RAD18: variants seen among roughly 807,000 people sequenced by gnomAD.
The protein encoded by RAD18 is RAD18 E3 ubiquitin protein ligase, also known as E3 ubiquitin-protein ligase RAD18.
A neutral mutation model predicts 60.4 loss-of-function variants in RAD18; 47 were observed. The ratio of observed to expected loss-of-function variants is 0.78; its 90% CI spans 0.62 to 0.99. The LOEUF (loss-of-function observed/expected upper bound fraction) is 0.99. Ranked by LOEUF, RAD18 falls within the 50% of genes least tolerant of loss-of-function variation. The probability of loss-of-function intolerance (pLI) is 0.00; values close to 1 mark genes in which losing one functional copy is unlikely to be tolerated. For missense variants in RAD18, 640 were observed against 593.3 expected, an observed-to-expected ratio of 1.08 and a Z score of -0.82; for synonymous variants, 225 against 195.5, an observed-to-expected ratio of 1.15 and a Z score of -1.26.
At chr3:8,897,205 T>A (rs1165697821) in intron 11 of RAD18, among the ~76,000 whole-genome samples, 3 of 152,166 alleles carry the variant, frequency 2.0e-5, no homozygotes, top group Non-Finnish European at 2.9e-5. Flanking sequence ...AAAATAAGGA[T>A]GCTTCATTCT....
intron 2 of RAD18, 36 bp downstream of exon 2, chr3:8,958,884 G>T (rs750443702): frequency 8.5e-6 from 13 of 1,527,302 alleles, no homozygotes; most frequent in Admixed American, 3.4e-5. Context: ...TGTAAAAATC[G>T]CAATTTACTA....
At chr3:8,905,260 T>C (rs1288603467) in intron 9 of RAD18, among the ~76,000 whole-genome samples, 3 of 152,224 alleles carry the variant, frequency 2.0e-5, no homozygotes, top group African/African-American at 4.8e-5. Context: ...AGATTTTGAA[T>C]ACCTGAATCA....
At chr3:8,951,615 A>T (rs1009403760) in intron 2 of RAD18, among the ~76,000 whole-genome samples, 1 of 152,240 alleles carries the variant, frequency 6.6e-6, no homozygotes, top group African/African-American at 2.4e-5. Flanking sequence ...TTTAACAGAT[A>T]ACACTTTGTA....
intron 10 of RAD18, among the ~76,000 whole-genome samples, 175 bp from the exon 11 acceptor site, chr3:8,899,222 T>A (rs1262833499): frequency 6.6e-6 from 1 of 152,244 alleles, no homozygotes; most frequent in Non-Finnish European, 1.5e-5. Context: ...TGGTGCTATC[T>A]AATTATACTG....
At chr3:8,943,873 A>G (rs1044961973) in intron 4 of RAD18, among the ~76,000 whole-genome samples, 1 of 152,214 alleles carries the variant, frequency 6.6e-6, no homozygotes, top group Non-Finnish European at 1.5e-5. Flanking sequence ...TGAAAATAGA[A>G]AAAGTAAAAA....
At position 8,896,756 on chromosome 3, in the gene RAD18, G is replaced by C. The variant is rs1324188844; in HGVS notation, c.1322+2138C>G. On this transcript the variant is annotated intron_variant, in intron 11 of 12. Transcript: ENST00000264926. ...ATCCCTAGCCCACAGTGAGACGCAG[G>C]GTGGCTGAAACCCATGGCGGCATCA... 2.6e-5 allele frequency among the ~76,000 whole-genome samples: 4 copies of C among 152,254 alleles called. No individual in the cohort carries two copies. The East Asian group carries it at 7.7e-4, about 29-fold the overall frequency.
At chr3:8,919,609 C>T (rs1340456501) in intron 7 of RAD18, among the ~76,000 whole-genome samples, 5 of 152,128 alleles carry the variant, frequency 3.3e-5, no homozygotes, top group Admixed American at 6.5e-5. Flanking sequence ...TCCACGTGTG[C>T]GTATGTATAT....
At chr3:8,924,426 C>A in intron 7 of RAD18, among the ~76,000 whole-genome samples, 1 of 143,034 alleles carries the variant, frequency 7.0e-6, no homozygotes, top group African/African-American at 2.6e-5. Flanking sequence ...TCCTTAGAGA[C>A]CTACAAAGAG....
chr3:8,944,701 G>A (rs1440797405), intron 4 of RAD18, among the ~76,000 whole-genome samples: 4 of 152,086 alleles, frequency 2.6e-5, no homozygotes, highest in Admixed American at 6.6e-5. Flanking sequence ...GAAAAGTCTT[G>A]TCCATCTGTT....
At chr3:8,908,617 C>T (rs1173693127) in intron 9 of RAD18, among the ~76,000 whole-genome samples, 1 of 152,128 alleles carries the variant, frequency 6.6e-6, no homozygotes, top group Non-Finnish European at 1.5e-5. Flanking sequence ...TCCAGAACCA[C>T]AAGACAATAA....
rs45449196 is a variant in RAD18, at chr3:8,880,774, C to A, written c.*583G>T. On this transcript the variant is annotated 3_prime_UTR_variant, in exon 13 of 13. Coordinates refer to ENST00000264926, the MANE Select transcript of RAD18 (RefSeq NM_020165.4). ...TAAATTATAATACTAATATCCTACT[C>A]TGAGAAATGTGTAAGACACAGGTCT... 0.013 allele frequency: 2,054 copies of A among 152,346 alleles called. 20 individuals are homozygous for A. Among genetic ancestry groups the A allele is most frequent in the Non-Finnish European group, 0.02 (1,334 of 68,058 alleles). The allele number at this position is 152,346 out of a possible 1,614,324, so 9.4% of individuals were successfully genotyped here.
chr3:8,920,234 G>A lies in RAD18; in HGVS notation c.890-6514C>T, dbSNP rs181186626. 6.1e-5 allele frequency among the ~76,000 whole-genome samples: 9 copies of A among 146,784 alleles called. No individual in the cohort carries two copies. The South Asian group carries it at 8.6e-4, about 14-fold the overall frequency. The stretch of plus-strand genomic sequence containing the variant: ...GCGGAGCTTGCAGTGAGCCGAGATC[G>A]TGCCACTGCACTCCAGCCTGGACGA... On this transcript the variant is annotated intron_variant, in intron 7 of 12. Coordinates refer to ENST00000264926, the MANE Select transcript of RAD18 (RefSeq NM_020165.4).
At chr3:8,934,692 A>T (rs1220347713) in intron 7 of RAD18, among the ~76,000 whole-genome samples, 1 of 152,252 alleles carries the variant, frequency 6.6e-6, no homozygotes, top group Non-Finnish European at 1.5e-5. Context: ...ATCTGCAAAT[A>T]TATAACACCA....
In RAD18 at chr3:8,935,995, A is replaced by G. The variant is rs1456867474; in HGVS notation, c.765T>C (p.Asp255=). 2 of 1,610,844 alleles carry G rather than the reference A, an allele frequency of 1.2e-6. No individual in the cohort carries two copies. Among genetic ancestry groups the G allele is most frequent in the Non-Finnish European group, 1.7e-6 (2 of 1,178,234 alleles). ...CATGCTCTTTTAGCTTTTTCTTTAA[A>G]TCACGATCAGAGAGCAAATTATATA... ...KTVYNLLSDR[D]LKKKLKEHGL... The change falls in exon 7 of 13, where the codon GAT becomes GAC. Residue 255 remains aspartate, a synonymous_variant. Coordinates refer to ENST00000264926, the MANE Select transcript of RAD18 (RefSeq NM_020165.4).
intron 11 of RAD18, among the ~76,000 whole-genome samples, chr3:8,896,785 CTT>C (rs1939793470): frequency 6.6e-6 from 1 of 152,208 alleles, no homozygotes; most frequent in Non-Finnish European, 1.5e-5. Flanking sequence ...GGCATCATCT[CTT>C]TATCCTGGCA....
At position 8,894,824 on chromosome 3, in the gene RAD18, G is replaced by A. The variant is rs566430677; in HGVS notation, c.1322+4070C>T. On this transcript the variant is annotated intron_variant, in intron 11 of 12. Transcript: ENST00000264926. The stretch of plus-strand genomic sequence containing the variant: ...CACCCAGGCTGGAGTGCAGTGGCGC[G>A]ATATCGGCTCACAGCAACCTCCGCC... Among the ~76,000 whole-genome samples, 46 of 148,188 alleles carry A rather than the reference G, an allele frequency of 3.1e-4. No individual in the cohort carries two copies. In the East Asian group the frequency reaches 3.9e-3, roughly 13 times the overall value.
intron 4 of RAD18, among the ~76,000 whole-genome samples, chr3:8,942,123 C>T (rs1479817544): frequency 1.3e-5 from 2 of 152,102 alleles, no homozygotes; most frequent in African/African-American, 4.8e-5. Flanking sequence ...ATGTCGTCTC[C>T]ACCAAATCTC....
chr3:8,910,561 T>C (rs993512045), intron 9 of RAD18, among the ~76,000 whole-genome samples: 18 of 148,118 alleles, frequency 1.2e-4, no homozygotes, highest in South Asian at 2.1e-4. Flanking sequence ...TGAGCCAAGA[T>C]AGCGCCACTG....
chr3:8,900,862 C>T (rs1217179390), intron 10 of RAD18, among the ~76,000 whole-genome samples: 1 of 152,002 alleles, frequency 6.6e-6, no homozygotes, highest in Non-Finnish European at 1.5e-5. Context: ...CTCTGAACCC[C>T]GGAAAGAGTA....
Sources: allele counts gnomAD v4.1 joint callset (sites outside exome capture counted in the v4.1 genomes callset), GRCh38; gene constraint gnomAD v4.1.1; transcripts MANE v1.5; gene names NCBI Gene and HGNC (gene_info 2026-07-23, HGNC 2026-07-21).